The following CACNA2D4 variants were observed in gnomAD, a reference collection of about 807,000 sequenced individuals.
The protein encoded by CACNA2D4 is voltage-dependent calcium channel subunit alpha-2/delta-4.
A neutral mutation model predicts 163.8 loss-of-function variants in CACNA2D4; 157 were observed. That is an observed-to-expected ratio of 0.96 (90% CI 0.84 to 1.09). CACNA2D4 has a LOEUF of 1.09. Ranked by LOEUF, CACNA2D4 falls within the 50% of genes least tolerant of loss-of-function variation. The pLI, the probability that CACNA2D4 is intolerant of heterozygous loss-of-function variation, is 0.00. For synonymous variants in CACNA2D4, 598 were observed against 586.9 expected, an observed-to-expected ratio of 1.02 and a Z score of -0.27; for missense variants, 1,410 against 1,479.9, an observed-to-expected ratio of 0.95 and a Z score of 0.78.
chr12:1,841,558 G>T (rs996555491), intron 25 of CACNA2D4, among the ~76,000 whole-genome samples: 2 of 152,214 alleles, frequency 1.3e-5, no homozygotes, highest in Non-Finnish European at 2.9e-5. Context: ...TGGCTACTTC[G>T]GGGCCTCAGG....
chr12:1,860,914 T>G (rs1296616419), intron 18 of CACNA2D4, among the ~76,000 whole-genome samples: 1 of 152,222 alleles, frequency 6.6e-6, no homozygotes, highest in Non-Finnish European at 1.5e-5. Context: ...CTCAGCCACT[T>G]TCGACCTGTG....
rs1348854361 is a variant in CACNA2D4 at position 1,799,929 on chromosome 12, A to C, written c.2974+71T>G. The stretch of plus-strand genomic sequence containing the variant: ...CCCCACTGTCACCCACCCCACAGGG[A>C]ATGGTCTCACGTTAGTGGACCAAAA... On this transcript the variant is annotated intron_variant, in intron 33 of 37. Coordinates refer to ENST00000382722, the MANE Select transcript of CACNA2D4 (RefSeq NM_172364.5). The surrounding 1 kb of genome is among the most constrained non-coding windows in gnomAD (Gnocchi z 4.7). 1.3e-6 allele frequency: 2 copies of C among 1,485,792 alleles called. No individual in the cohort carries two copies. Among genetic ancestry groups the C allele is most frequent in the Admixed American group, 3.9e-5 (2 of 51,928 alleles). 92.0% of individuals were successfully genotyped at this position (1,485,792 alleles called of 1,614,324 possible). A position where few individuals can be genotyped will look rare whatever the true frequency, so the allele number is the denominator to read the frequency against.
chr12:1,909,412 T>A (rs1866758929), intron 4 of CACNA2D4, among the ~76,000 whole-genome samples: 1 of 152,236 alleles, frequency 6.6e-6, no homozygotes, highest in Non-Finnish European at 1.5e-5. Flanking sequence ...GCCAGGATGG[T>A]CTCGATCTCC....
At chr12:1,884,043 G>A (rs1866071759) in intron 12 of CACNA2D4, 200 bp downstream of exon 12, 3 of 548,118 alleles carry the variant, frequency 5.5e-6, no homozygotes, top group East Asian at 2.8e-5. Context: ...AAGAATGGGG[G>A]CAGGATGGAG....
rs1039722212 is a variant in CACNA2D4 at position 1,805,777 on chromosome 12, G to A, written c.2722-4133C>T. ...CCAGGAAGGTAGAAGGAGCACCGCT[G>A]CCAGGGCATGTGGTGTCCCGGAAGA... On this transcript the variant is annotated intron_variant, in intron 29 of 37. Transcript: ENST00000382722. Among the ~76,000 whole-genome samples the A allele has an allele frequency of 2.6e-5, 4 of 152,378 alleles. No homozygotes were observed. In the East Asian group the frequency reaches 7.7e-4, roughly 29 times the overall value.
rs895274923 is a variant in CACNA2D4 at position 1,829,660 on chromosome 12, C to T, written c.2551+11079G>A. On this transcript the variant is annotated intron_variant, in intron 26 of 37. Transcript: ENST00000382722. The surrounding 1 kb of genome is among the most constrained non-coding windows in gnomAD (Gnocchi z 4.2). ...ACCCAGACCCCTACTGGACAAGACT[C>T]AAGGCTGTTCAGACCCAGCTCACAG... Among the ~76,000 whole-genome samples the T allele has an allele frequency of 6.6e-6, 1 of 150,984 alleles. No individual in the cohort carries two copies. The highest frequency in any genetic ancestry group is 2.4e-5 in the African/African-American group (1 of 41,208).
chr12:1,830,849 G>A, intron 26 of CACNA2D4: 1 of 1,149,778 alleles, frequency 8.7e-7, no homozygotes, highest in East Asian at 2.6e-5. Flanking sequence ...CCAAGAGCCT[G>A]TTATGAGCTA....
In CACNA2D4 at chr12:1,918,490, C is replaced by A; in HGVS notation, c.-17G>T. The A allele has an allele frequency of 6.5e-7, 1 of 1,544,786 alleles. No individual in the cohort carries two copies. Among genetic ancestry groups the A allele is most frequent in the East Asian group, 2.4e-5 (1 of 40,876 alleles). On this transcript the variant is annotated 5_prime_UTR_variant, in exon 1 of 38. Coordinates refer to ENST00000382722, the MANE Select transcript of CACNA2D4 (RefSeq NM_172364.5). ...ACAGACCATGAGCTCTGTCTGCCTT[C>A]CTCCCAGACCCCAGGACGCCCCAGG...
intron 26 of CACNA2D4, among the ~76,000 whole-genome samples, chr12:1,815,990 G>A (rs774386158): frequency 9.2e-5 from 14 of 152,174 alleles, no homozygotes; most frequent in Non-Finnish European, 1.5e-4. Flanking sequence ...GTGTTCTGCC[G>A]TGCCCAACCG....
At chr12:1,851,900 G>A (rs1865292106) in intron 23 of CACNA2D4, among the ~76,000 whole-genome samples, 1 of 151,814 alleles carries the variant, frequency 6.6e-6, no homozygotes. Context: ...TTTCAGGAGT[G>A]TTTCATAATT....
chr12:1,813,573 C>A (rs140950863), intron 26 of CACNA2D4, among the ~76,000 whole-genome samples: 1 of 152,244 alleles, frequency 6.6e-6, no homozygotes, highest in Non-Finnish European at 1.5e-5. Flanking sequence ...TGGTGGCCAG[C>A]GTTTTGGACA....
intron 29 of CACNA2D4, among the ~76,000 whole-genome samples, chr12:1,807,039 G>A (rs1592657891): frequency 6.6e-6 from 1 of 151,968 alleles, no homozygotes; most frequent in East Asian, 1.9e-4. Context: ...CCTTGTGTAA[G>A]CCCCTCCTCT....
At chr12:1,854,412 G>C (rs1315639108) in intron 22 of CACNA2D4, among the ~76,000 whole-genome samples, 1 of 151,966 alleles carries the variant, frequency 6.6e-6, no homozygotes, top group Non-Finnish European at 1.5e-5. Flanking sequence ...ATTTTTTGTT[G>C]TTGTTGTTGT....
At position 1,834,363 on chromosome 12, in the gene CACNA2D4, A is replaced by G; in HGVS notation, c.2551+6376T>C. 6.2e-7 allele frequency: 1 copy of G among 1,613,206 alleles called. No individual in the cohort carries two copies. Among genetic ancestry groups the G allele is most frequent in the Non-Finnish European group, 8.5e-7 (1 of 1,180,006 alleles). ...ATGGAGATGTTCAACTACTGCTCCCAGCTGGAGGACGAGAATAGCTCAGCT... is the reference window on the plus strand; with the variant it reads ...ATGGAGATGTTCAACTACTGCTCCCGGCTGGAGGACGAGAATAGCTCAGCT... On this transcript the variant is annotated intron_variant, in intron 26 of 37. Transcript: ENST00000382722. This position sits in a 1 kb window ranked among gnomAD's most constrained non-coding sequence, Gnocchi z 7.6.
chr12:1,878,231 G>T lies in CACNA2D4; in HGVS notation c.1719+84C>A. On this transcript the variant is annotated intron_variant, in intron 16 of 37. Coordinates refer to ENST00000382722, the MANE Select transcript of CACNA2D4 (RefSeq NM_172364.5). The surrounding 1 kb of genome is among the most constrained non-coding windows in gnomAD (Gnocchi z 4.6). ...TGGGTTCCTAAATGGAGCCCAATGT[G>T]TGTTTGTTGTTTTAATCGTTTTTGT... The T allele has an allele frequency of 1.4e-6, 2 of 1,461,848 alleles. No individual in the cohort carries two copies. The highest frequency in any genetic ancestry group is 1.9e-6 in the Non-Finnish European group (2 of 1,064,802). 90.6% of individuals were successfully genotyped at this position (1,461,848 alleles called of 1,614,324 possible). A position where few individuals can be genotyped will look rare whatever the true frequency, so the allele number is the denominator to read the frequency against.
chr12:1,838,295 C>T (rs566004841), intron 26 of CACNA2D4, among the ~76,000 whole-genome samples: 6 of 152,160 alleles, frequency 3.9e-5, no homozygotes, highest in African/African-American at 9.7e-5. Flanking sequence ...GCTGAGTGCC[C>T]GTCTCCTACC....
At position 1,888,883 on chromosome 12, in the gene CACNA2D4, C is replaced by G. The variant is rs181500600; in HGVS notation, c.782-1814G>C. On this transcript the variant is annotated intron_variant, in intron 6 of 37. Coordinates refer to ENST00000382722, the MANE Select transcript of CACNA2D4 (RefSeq NM_172364.5). ...CACAGATCTAGGAAGCACAGCGTAT[C>G]CCAAACAGCATGAATAAAAAGATAT... 6.6e-5 allele frequency among the ~76,000 whole-genome samples: 10 copies of G among 152,198 alleles called. No homozygotes were observed. In the East Asian group the frequency reaches 1.9e-3, roughly 29 times the overall value.
intron 24 of CACNA2D4, among the ~76,000 whole-genome samples, chr12:1,845,910 T>C (rs1865133982): frequency 1.3e-5 from 2 of 152,224 alleles, no homozygotes; most frequent in Admixed American, 6.5e-5. Flanking sequence ...TCCCACAGTG[T>C]GACAACCAAA....
chr12:1,912,997 C>A (rs377618243), intron 3 of CACNA2D4, 26 bp downstream of exon 3: 1 of 1,475,050 alleles, frequency 6.8e-7, no homozygotes, highest in Non-Finnish European at 9.5e-7. Context: ...GGGAGAAACG[C>A]CCTGCAGATC....
Sources: allele counts gnomAD v4.1 joint callset (sites outside exome capture counted in the v4.1 genomes callset), GRCh38; gene constraint gnomAD v4.1.1; non-coding constraint Gnocchi (gnomAD v3.1); transcripts MANE v1.5; gene names NCBI Gene and HGNC (gene_info 2026-07-23, HGNC 2026-07-21).